Variants in PDE11A observed in about 807,000 individuals in gnomAD.
PDE11A encodes the protein dual 3',5'-cyclic-AMP and -GMP phosphodiesterase 11A.
A neutral mutation model predicts 100.5 loss-of-function variants in PDE11A; 100 were observed. That is an observed-to-expected ratio of 1.00 (90% CI 0.85 to 1.18). PDE11A has a LOEUF of 1.18. PDE11A is among the 50% of genes most tolerant of loss of function. PDE11A has a pLI of 0.00. For missense variants in PDE11A, 1,141 were observed against 1,152.6 expected (o/e 0.99, Z 0.15); for synonymous variants, 381 against 420.8 (o/e 0.91, Z 1.16).
At chr2:177,945,285 T>C (rs892896011) in intron 2 of PDE11A, among the ~76,000 whole-genome samples, 1 of 147,606 alleles carries the variant, frequency 6.8e-6, no homozygotes, top group African/African-American at 2.5e-5. Context: ...CCGCCCATCG[T>C]CTGGGATGTG....
intron 6 of PDE11A, among the ~76,000 whole-genome samples, chr2:177,833,536 A>T (rs7570577): frequency 6.6e-6 from 1 of 152,152 alleles, no homozygotes; most frequent in South Asian, 2.1e-4. Context: ...GTTTTCTGTG[A>T]TCTGCCTTAA....
At chr2:177,835,398 G>T (rs563821863) in intron 6 of PDE11A, among the ~76,000 whole-genome samples, 65 of 152,204 alleles carry the variant, frequency 4.3e-4, no homozygotes, top group African/African-American at 1.5e-3. Flanking sequence ...AGGGGTAATT[G>T]TGTCCCCCTA....
At chr2:177,906,220 G>A (rs2084785936) in intron 2 of PDE11A, among the ~76,000 whole-genome samples, 1 of 151,930 alleles carries the variant, frequency 6.6e-6, no homozygotes, top group Non-Finnish European at 1.5e-5. Flanking sequence ...GGTGCCCTAG[G>A]AAGAGGTAAC....
intron 9 of PDE11A, among the ~76,000 whole-genome samples, chr2:177,787,025 GA>G (rs2082547292): frequency 7.0e-6 from 1 of 143,754 alleles, no homozygotes; most frequent in Non-Finnish European, 1.5e-5. Context: ...TCAGATTCAG[GA>G]AATACAGAGA....
At chr2:177,726,625 T>G (rs146388539) in intron 12 of PDE11A, among the ~76,000 whole-genome samples, 211 of 150,806 alleles carry the variant, frequency 1.4e-3, no homozygotes, top group African/African-American at 4.6e-3. Flanking sequence ...CCTTAAAGGA[T>G]GAGTAAAATT....
chr2:177,944,866 T>C (rs1165881745), intron 2 of PDE11A, among the ~76,000 whole-genome samples: 1 of 124,248 alleles, frequency 8.0e-6, no homozygotes, highest in Non-Finnish European at 1.7e-5. Flanking sequence ...CCCCACGGTC[T>C]CCCTCTCATG....
intron 2 of PDE11A, among the ~76,000 whole-genome samples, chr2:178,086,634 G>C (rs1164080694): frequency 1.3e-5 from 2 of 151,970 alleles, no homozygotes; most frequent in African/African-American, 4.8e-5. Flanking sequence ...TAAATCTCTT[G>C]GTAAGATTAA....
At chr2:178,018,992 A>G (rs1237971928) in intron 1 of PDE11A, among the ~76,000 whole-genome samples, 1 of 152,214 alleles carries the variant, frequency 6.6e-6, no homozygotes, top group Non-Finnish European at 1.5e-5. Context: ...TTGCATCTTC[A>G]TTTACCAATC....
intron 1 of PDE11A, among the ~76,000 whole-genome samples, chr2:178,059,016 G>T (rs749108084): frequency 6.6e-6 from 1 of 152,136 alleles, no homozygotes; most frequent in Non-Finnish European, 1.5e-5. Context: ...CACCCTTGAA[G>T]TTTAATGCAC....
chr2:177,761,980 C>A (rs548007818), intron 10 of PDE11A, among the ~76,000 whole-genome samples: 96 of 152,198 alleles, frequency 6.3e-4, no homozygotes, highest in African/African-American at 2.2e-3. Context: ...GTTAGCTGTG[C>A]ACAGGATGGA....
intron 19 of PDE11A, among the ~76,000 whole-genome samples, chr2:177,639,112 T>G (rs1477421343): frequency 3.3e-5 from 5 of 152,192 alleles, no homozygotes; most frequent in African/African-American, 1.2e-4. Context: ...CCCCTGCCTG[T>G]GCCGTGGCCT....
intron 19 of PDE11A, among the ~76,000 whole-genome samples, chr2:177,631,291 C>CAAAAAAAAAAAAA (rs869059416): frequency 2.7e-3 from 32 of 11,738 alleles, no homozygotes; most frequent in African/African-American, 6.4e-3. Context: ...ACTAAAAATG[C>CAAAAAAAAAAAAA]AAAAAAAAAA....
At chr2:178,008,525 A>G (rs1527289) in intron 2 of PDE11A, among the ~76,000 whole-genome samples, 3 of 152,198 alleles carry the variant, frequency 2.0e-5, no homozygotes, top group Non-Finnish European at 4.4e-5. Flanking sequence ...TGATGCAGTC[A>G]ATATTCCCCT....
chr2:177,678,934 G>T (rs976433353), intron 16 of PDE11A, among the ~76,000 whole-genome samples: 2 of 151,638 alleles, frequency 1.3e-5, no homozygotes, highest in Non-Finnish European at 1.5e-5. Flanking sequence ...AAAAAGAGAA[G>T]AGAATAAAAA....
intron 5 of PDE11A, among the ~76,000 whole-genome samples, chr2:177,856,378 T>C (rs979141981): frequency 6.6e-6 from 1 of 152,056 alleles, no homozygotes; most frequent in African/African-American, 2.4e-5. Context: ...TCAATAAAAA[T>C]TTATAAGACG....
rs1468608858 is a variant in PDE11A at position 177,796,124 on chromosome 2, C to T, written c.1737+20705G>A. Among the ~76,000 whole-genome samples, 5 of 151,510 alleles carry T rather than the reference C, an allele frequency of 3.3e-5. No homozygotes were observed. The Middle Eastern group carries it at 0.01, about 309-fold the overall frequency. ...GAAAGGCCTGACTGTGACTTTAAGGCCATAATGAAGGCAGGTGCTGGGATG... is the reference window on the plus strand; with the variant it reads ...GAAAGGCCTGACTGTGACTTTAAGGTCATAATGAAGGCAGGTGCTGGGATG... On this transcript the variant is annotated intron_variant, in intron 9 of 19. Transcript: ENST00000286063.
rs142728141 is a variant in PDE11A, at chr2:177,753,537, G to T, written c.1788+15786C>A. Among the ~76,000 whole-genome samples the T allele has an allele frequency of 7.9e-5, 12 of 151,868 alleles. No homozygotes were observed. In the East Asian group the frequency reaches 1.6e-3, roughly 20 times the overall value. On this transcript the variant is annotated intron_variant, in intron 10 of 19. Transcript: ENST00000286063. ...CTCTCCTTTGCTTTTTTCTGAGGAA[G>T]AAAAATCAGCCTGAAGAGTCAAGCA...
chr2:177,835,770 G>C (rs1331621682), intron 6 of PDE11A, among the ~76,000 whole-genome samples: 1 of 152,176 alleles, frequency 6.6e-6, no homozygotes, highest in Non-Finnish European at 1.5e-5. Context: ...ATTCGGAGCG[G>C]CCAGCTGGTG....
chr2:177,709,897 G>C lies in PDE11A; in HGVS notation c.2153+1872C>G, dbSNP rs115803347. ...TCATTCCTGAGGTGGTTTCTCCAAT[G>C]ATTGGAACCGGAAGCCATGTGGGAG... On this transcript the variant is annotated intron_variant, in intron 13 of 19. Coordinates refer to ENST00000286063, the MANE Select transcript of PDE11A (RefSeq NM_016953.4). Among the ~76,000 whole-genome samples the C allele has an allele frequency of 7.8e-3, 1,193 of 152,290 alleles. 7 individuals are homozygous for C. Among genetic ancestry groups the C allele is most frequent in the African/African-American group, 0.027 (1,136 of 41,560 alleles).
Sources: gnomAD v4.1 joint callset for allele counts (sites outside exome capture counted in the v4.1 genomes callset) on GRCh38, gnomAD v4.1.1 for gene constraint, MANE v1.5 for transcripts, NCBI Gene and HGNC (gene_info 2026-07-23, HGNC 2026-07-21) for gene names.